Variants in SUMF1 observed in about 807,000 individuals in gnomAD.
SUMF1 encodes sulfatase modifying factor 1, also known as formylglycine-generating enzyme.
Under a neutral mutation model 47.6 loss-of-function variants are expected in SUMF1, and 48 were observed. That is an observed-to-expected ratio of 1.01 (90% CI 0.80 to 1.28). SUMF1 has a LOEUF of 1.28. Ranked by LOEUF, SUMF1 falls within the 50% of genes most tolerant of loss-of-function variation. The probability of loss-of-function intolerance (pLI) is 0.00; values close to 1 mark genes in which losing one functional copy is unlikely to be tolerated. For missense variants in SUMF1, 571 were observed against 485.4 expected (o/e 1.18, Z -1.66); for synonymous variants, 230 against 192.1 (o/e 1.20, Z -1.63).
In SUMF1 at chr3:4,303,345, T is replaced by C. The variant is rs932493999; in HGVS notation, c.1014+72985A>G. 2.0e-6 allele frequency: 3 copies of C among 1,525,358 alleles called. No homozygotes were observed. The South Asian group carries it at 3.9e-5, about 20-fold the overall frequency. 94.5% of individuals were successfully genotyped at this position (1,525,358 alleles called of 1,614,324 possible). ...ACCGCGCGGCCCAGGACTGTCAGGG[T>C]AGTGGGCGTTGCGTGAGGCGGGTAA... On this transcript the variant is annotated intron_variant and NMD_transcript_variant, in intron 8 of 12. Coordinates refer to the SUMF1 transcript ENST00000448413.
intron 3 of SUMF1, among the ~76,000 whole-genome samples, chr3:4,425,140 A>G (rs1272237968): frequency 6.6e-6 from 1 of 152,202 alleles, no homozygotes; most frequent in Non-Finnish European, 1.5e-5. Flanking sequence ...ATATTAATAC[A>G]CAGTTTATAG....
intron 8 of SUMF1, among the ~76,000 whole-genome samples, chr3:4,193,361 G>C (rs553894639): frequency 6.6e-6 from 1 of 152,180 alleles, no homozygotes; most frequent in South Asian, 2.1e-4. Context: ...GCACTTTCCT[G>C]AATTTGTGAA....
intron 8 of SUMF1, among the ~76,000 whole-genome samples, chr3:4,205,690 ACTGCCTT>A (rs1025121598): frequency 6.6e-6 from 1 of 152,186 alleles, no homozygotes; most frequent in African/African-American, 2.4e-5. Context: ...TCATAGAGGT[ACTGCCTT>A]GGTGGTCTTG....
At chr3:4,340,603 T>C (rs546755231) in intron 8 of SUMF1, among the ~76,000 whole-genome samples, 1 of 152,284 alleles carries the variant, frequency 6.6e-6, no homozygotes, top group South Asian at 2.1e-4. Context: ...TTGATTCTAG[T>C]AGTCCAGGGG....
chr3:4,412,176 G>A (rs2125014210), intron 6 of SUMF1, among the ~76,000 whole-genome samples: 1 of 152,332 alleles, frequency 6.6e-6, no homozygotes, highest in Admixed American at 6.5e-5. Flanking sequence ...GTAATTCCAT[G>A]CACAGTGACT....
intron 8 of SUMF1, among the ~76,000 whole-genome samples, chr3:4,208,211 A>T (rs1695695276): frequency 6.6e-6 from 1 of 152,080 alleles, no homozygotes; most frequent in African/African-American, 2.4e-5. Context: ...CCACAAGGGG[A>T]AAAGAAATAC....
At chr3:4,081,338 C>G (rs541558433) in intron 8 of SUMF1, among the ~76,000 whole-genome samples, 3 of 151,970 alleles carry the variant, frequency 2.0e-5, no homozygotes, top group Non-Finnish European at 4.4e-5. Context: ...TCTTTCTTCA[C>G]TGCCTGCTTC....
chr3:4,465,624 G>A (rs1012821968), intron 1 of SUMF1, among the ~76,000 whole-genome samples: 16 of 151,970 alleles, frequency 1.1e-4, no homozygotes, highest in Non-Finnish European at 1.9e-4. Flanking sequence ...CAGTACTGCA[G>A]GACATGCTCT....
chr3:4,390,360 C>A (rs1700818982), intron 7 of SUMF1, among the ~76,000 whole-genome samples: 1 of 152,182 alleles, frequency 6.6e-6, no homozygotes, highest in Non-Finnish European at 1.5e-5. Context: ...CATGAGGGTA[C>A]AAGCCTAGAC....
At chr3:4,194,078 C>A (rs1695379034) in intron 8 of SUMF1, among the ~76,000 whole-genome samples, 1 of 152,084 alleles carries the variant, frequency 6.6e-6, no homozygotes, top group Non-Finnish European at 1.5e-5. Flanking sequence ...TAGATGACCA[C>A]CATGATCAAA....
intron 8 of SUMF1, among the ~76,000 whole-genome samples, chr3:4,302,114 T>G (rs1697983774): frequency 6.6e-6 from 1 of 152,206 alleles, no homozygotes; most frequent in Non-Finnish European, 1.5e-5. Context: ...AACCCAAAAT[T>G]ATCTGAGACA....
chr3:4,251,241 T>G lies in SUMF1; in HGVS notation c.1014+125089A>C, dbSNP rs549001496. Among the ~76,000 whole-genome samples the G allele has an allele frequency of 4.1e-4, 63 of 152,328 alleles. 1 individual carries two copies. Among genetic ancestry groups the G allele is most frequent in the Middle Eastern group, 6.8e-3 (2 of 294 alleles). On this transcript the variant is annotated intron_variant and NMD_transcript_variant, in intron 8 of 12. Transcript: ENST00000448413. ...CTTCAGTGGAGGAAGTAACTGCCTA[T>G]GTGGTAGAAATAGCAAATGAACTAG...
At chr3:4,458,933 G>A (rs1342774906) in intron 1 of SUMF1, among the ~76,000 whole-genome samples, 2 of 152,120 alleles carry the variant, frequency 1.3e-5, no homozygotes, top group Admixed American at 6.6e-5. Flanking sequence ...TATGTGAAAT[G>A]AGCCAAGCAC....
chr3:4,264,440 G>A (rs1458832843), intron 8 of SUMF1, among the ~76,000 whole-genome samples: 1 of 152,196 alleles, frequency 6.6e-6, no homozygotes, highest in Non-Finnish European at 1.5e-5. Context: ...ACAAACAGGG[G>A]AGGTTGGAGT....
chr3:4,335,200 C>T (rs1213576073), intron 8 of SUMF1, among the ~76,000 whole-genome samples: 1 of 152,088 alleles, frequency 6.6e-6, no homozygotes, highest in Non-Finnish European at 1.5e-5. Flanking sequence ...ATCCTCCCAC[C>T]CATTCCTCAC....
At chr3:4,151,415 A>ATATATGTGTATACATGTGTATATATG (rs1694323987) in intron 8 of SUMF1, among the ~76,000 whole-genome samples, 1 of 102,996 alleles carries the variant, frequency 9.7e-6, no homozygotes, top group Non-Finnish European at 2.2e-5. Flanking sequence ...GTATATATGT[A>ATATATGTGTATACATGTGTATATATG]TATATGTGTA....
chr3:4,069,143 G>A (rs2125034081), intron 8 of SUMF1, among the ~76,000 whole-genome samples: 1 of 152,286 alleles, frequency 6.6e-6, no homozygotes, highest in South Asian at 2.1e-4. Context: ...TTAGAATGTT[G>A]TAGGGAGAAA....
intron 3 of SUMF1, among the ~76,000 whole-genome samples, chr3:4,441,084 C>T (rs1702571596): frequency 6.6e-6 from 1 of 152,160 alleles, no homozygotes. Context: ...GGCCAAACAG[C>T]AGGAGGTGAG....
intron 8 of SUMF1, among the ~76,000 whole-genome samples, chr3:4,367,757 T>C (rs1375606802): frequency 1.3e-5 from 2 of 152,066 alleles, no homozygotes; most frequent in African/African-American, 4.8e-5. Flanking sequence ...ATTTAATAAA[T>C]GGTGCTGGGA....
Sources: allele counts gnomAD v4.1 joint callset (sites outside exome capture counted in the v4.1 genomes callset), GRCh38; gene constraint gnomAD v4.1.1; transcripts MANE v1.5; gene names NCBI Gene and HGNC (gene_info 2026-07-23, HGNC 2026-07-21).